Variants in ATRN observed in about 807,000 individuals in gnomAD.
ATRN encodes the protein attractin, also known as attractin-2.
A neutral mutation model predicts 178.7 loss-of-function variants in ATRN; 54 were observed. That is an observed-to-expected ratio of 0.30 (90% CI 0.24 to 0.38). ATRN has a LOEUF of 0.38. ATRN is among the 10% of genes least tolerant of loss of function. The pLI, the probability that ATRN is intolerant of heterozygous loss-of-function variation, is 1.00. For missense variants in ATRN, 1,443 were observed against 1,815.1 expected (o/e 0.79, Z 3.73); for synonymous variants, 636 against 663.0 (o/e 0.96, Z 0.63).
At chr20:3,544,071 A>G (rs2085663058) in intron 3 of ATRN, among the ~76,000 whole-genome samples, 1 of 152,156 alleles carries the variant, frequency 6.6e-6, no homozygotes, top group Admixed American at 6.5e-5. Flanking sequence ...AAGCAAAACA[A>G]AAGGAACGAA....
intron 1 of ATRN, among the ~76,000 whole-genome samples, chr20:3,526,418 C>T (rs2085366027): frequency 6.6e-6 from 1 of 152,108 alleles, no homozygotes; most frequent in African/African-American, 2.4e-5. Flanking sequence ...GAACTACAAA[C>T]CACTGCTCAA....
At chr20:3,481,365 G>A (rs1410325924) in intron 1 of ATRN, among the ~76,000 whole-genome samples, 1 of 152,042 alleles carries the variant, frequency 6.6e-6, no homozygotes, top group Non-Finnish European at 1.5e-5. Flanking sequence ...GTTTGAGACA[G>A]GGGCTTACCC....
rs2087130937 is a variant in ATRN at position 3,649,498 on chromosome 20, G to T, written c.*2651G>T. On this transcript the variant is annotated 3_prime_UTR_variant, in exon 29 of 29. Coordinates refer to ENST00000262919, the MANE Select transcript of ATRN (RefSeq NM_139321.3). ...CAAACCCAAGAAACGCATCCCCATT[G>T]TGTGATGTGTTCAGATGCATCTGGC... is the stretch of plus-strand genomic sequence containing the variant. 6.6e-6 allele frequency: 1 copy of T among 152,236 alleles called. No individual in the cohort carries two copies. Among genetic ancestry groups the T allele is most frequent in the Admixed American group, 6.5e-5 (1 of 15,286 alleles). The allele number at this position is 152,236 out of a possible 1,614,324, so 9.4% of individuals were successfully genotyped here.
At chr20:3,528,240 C>T (rs199681654) in intron 1 of ATRN, among the ~76,000 whole-genome samples, 19 of 151,874 alleles carry the variant, frequency 1.3e-4, no homozygotes, top group Admixed American at 7.9e-4. Flanking sequence ...TGGTGGTGGG[C>T]GCCTGTAATC....
chr20:3,531,935 A>G (rs2085458838), intron 1 of ATRN, among the ~76,000 whole-genome samples: 1 of 152,216 alleles, frequency 6.6e-6, no homozygotes, highest in Non-Finnish European at 1.5e-5. Flanking sequence ...CAGCCTGGAC[A>G]ACATAGCAAG....
intron 25 of ATRN, chr20:3,628,893 T>C: frequency 1.0e-6 from 1 of 985,342 alleles, no homozygotes; most frequent in South Asian, 4.7e-5. Flanking sequence ...TGTTGATTTT[T>C]TCCCAGACCT....
rs1383718798 is a variant in ATRN, at chr20:3,650,855, AT to A, written c.*4011del. 32 of 152,606 alleles carry A rather than the reference AT, an allele frequency of 2.1e-4. No homozygotes were observed. Among genetic ancestry groups the A allele is most frequent in the African/African-American group, 7.2e-4 (30 of 41,462 alleles). 9.5% of individuals were successfully genotyped at this position (152,606 alleles called of 1,614,324 possible). On this transcript the variant is annotated 3_prime_UTR_variant, in exon 29 of 29. Coordinates refer to ENST00000262919, the MANE Select transcript of ATRN (RefSeq NM_139321.3). ...CAAGCTTAGTTTGTTAATATGTATA[AT>A]TTAGCATCTATTACACTCATGTAAA...
chr20:3,645,610 A>G lies in ATRN; in HGVS notation c.4166-1113A>G, dbSNP rs1483897352. Among the ~76,000 whole-genome samples the G allele has an allele frequency of 6.6e-6, 1 of 152,176 alleles. No individual in the cohort carries two copies. The highest frequency in any genetic ancestry group is 1.5e-5 in the Non-Finnish European group (1 of 68,024). The stretch of plus-strand genomic sequence containing the variant: ...ATGCCCCAACCACCTGAAACACCTA[A>G]TAAAGGTCTGCTCAATGCTTGAGAC... On this transcript the variant is annotated intron_variant, in intron 28 of 28. Coordinates refer to ENST00000262919, the MANE Select transcript of ATRN (RefSeq NM_139321.3). This position sits in a 1 kb window ranked among gnomAD's most constrained non-coding sequence, Gnocchi z 4.7.
chr20:3,581,781 A>G (rs911261216), intron 15 of ATRN, among the ~76,000 whole-genome samples: 2 of 152,186 alleles, frequency 1.3e-5, no homozygotes, highest in Admixed American at 6.5e-5. Context: ...TTGATATATT[A>G]TCTTCTCTGA....
intron 11 of ATRN, among the ~76,000 whole-genome samples, chr20:3,567,255 C>G (rs977474844): frequency 5.3e-5 from 8 of 152,206 alleles, no homozygotes; most frequent in African/African-American, 1.9e-4. Context: ...CTGTGGGAGC[C>G]TGGCCTCAAC....
chr20:3,507,936 C>A (rs2085070013), intron 1 of ATRN, among the ~76,000 whole-genome samples: 1 of 151,920 alleles, frequency 6.6e-6, no homozygotes, highest in South Asian at 2.1e-4. Flanking sequence ...ATCTCTTGAC[C>A]TCGTGATCCA....
chr20:3,497,763 A>G (rs956321622), intron 1 of ATRN, among the ~76,000 whole-genome samples: 6 of 152,092 alleles, frequency 3.9e-5, no homozygotes, highest in Non-Finnish European at 5.9e-5. Flanking sequence ...GTGTTTTCCA[A>G]TTTGGTTCCA....
chr20:3,617,130 C>T (rs1466283214), intron 24 of ATRN, among the ~76,000 whole-genome samples: 5 of 152,050 alleles, frequency 3.3e-5, no homozygotes, highest in Admixed American at 6.5e-5. Context: ...CTGATATTGT[C>T]AGAACAATTG....
In ATRN at chr20:3,471,253, T is replaced by A. The variant is rs1312839362; in HGVS notation, c.146T>A (p.Leu49His). ...CCGGGGCTGGGGGCCGGGCTGCGCCTCCCGCGGCTGCTGTCTCCACCGCTG... is the reference window on the plus strand; with the variant it reads ...CCGGGGCTGGGGGCCGGGCTGCGCCACCCGCGGCTGCTGTCTCCACCGCTG... The part of the protein sequence containing the change: ...GRPGLGAGLR[L>H]PRLLSPPLRP... Residue 49 changes from leucine (L) to histidine (H), a missense_variant, in exon 1 of 29, where the codon CTC (leucine) becomes CAC (histidine). Coordinates refer to ENST00000262919, the MANE Select transcript of ATRN (RefSeq NM_139321.3). 3.5e-6 allele frequency: 5 copies of A among 1,444,616 alleles called. No individual in the cohort carries two copies. Among genetic ancestry groups the A allele is most frequent in the Admixed American group, 2.8e-5 (1 of 36,024 alleles). 89.5% of individuals were successfully genotyped at this position (1,444,616 alleles called of 1,614,324 possible). A position where few individuals can be genotyped will look rare whatever the true frequency, so the allele number is the denominator to read the frequency against.
chr20:3,625,072 A>G (rs933071941), intron 25 of ATRN, among the ~76,000 whole-genome samples: 4 of 152,240 alleles, frequency 2.6e-5, no homozygotes, highest in Non-Finnish European at 5.9e-5. Context: ...ATAGACAAAT[A>G]ATTGAAAAAG....
At chr20:3,581,423 A>G (rs1334607251) in intron 15 of ATRN, among the ~76,000 whole-genome samples, 2 of 152,244 alleles carry the variant, frequency 1.3e-5, no homozygotes, top group Non-Finnish European at 2.9e-5. Flanking sequence ...CCCAGGTGTC[A>G]CTGTCCTATT....
At chr20:3,635,876 A>G (rs1050666942) in intron 26 of ATRN, among the ~76,000 whole-genome samples, 3 of 152,236 alleles carry the variant, frequency 2.0e-5, no homozygotes, top group African/African-American at 7.2e-5. Context: ...TATTACTGAT[A>G]TACTTTAAAA....
Position 3,624,506 on chromosome 20 carries a change from C to G in ATRN, c.3802-5C>G. 1 of 1,612,616 alleles carries G rather than the reference C, an allele frequency of 6.2e-7. No homozygotes were observed. The highest frequency in any genetic ancestry group is 8.5e-7 in the Non-Finnish European group (1 of 1,178,882). ...ATAATCACACTACCTGTTTTTCTGTCACAGATTGCCTTCTCTCAGCACAGC... is the reference window on the plus strand; with the variant it reads ...ATAATCACACTACCTGTTTTTCTGTGACAGATTGCCTTCTCTCAGCACAGC... On this transcript the variant is annotated splice_region_variant and splice_polypyrimidine_tract_variant and intron_variant, in intron 24 of 28. Transcript: ENST00000262919.
chr20:3,621,627 T>G (rs2086897746), intron 24 of ATRN, among the ~76,000 whole-genome samples: 1 of 152,184 alleles, frequency 6.6e-6, no homozygotes, highest in Non-Finnish European at 1.5e-5. Context: ...AATTTCTTCT[T>G]TGTATTAAAA....
Sources: allele counts gnomAD v4.1 joint callset (sites outside exome capture counted in the v4.1 genomes callset), GRCh38; gene constraint gnomAD v4.1.1; non-coding constraint Gnocchi (gnomAD v3.1); transcripts MANE v1.5; gene names NCBI Gene and HGNC (gene_info 2026-07-23, HGNC 2026-07-21).